Variants in SDK1 observed in about 807,000 individuals in gnomAD.
The protein encoded by SDK1 is sidekick cell adhesion molecule 1.
In SDK1, 157 loss-of-function variants were observed where a neutral mutation model predicts 245.5. The ratio of observed to expected loss-of-function variants is 0.64; its 90% CI spans 0.56 to 0.73. The LOEUF (loss-of-function observed/expected upper bound fraction) is 0.73. Ranked by LOEUF, SDK1 falls within the 30% of genes least tolerant of loss-of-function variation. The probability of loss-of-function intolerance (pLI) is 0.00; values close to 1 mark genes in which losing one functional copy is unlikely to be tolerated. For synonymous variants in SDK1, 1,647 were observed against 1,278.5 expected, an observed-to-expected ratio of 1.29 and a Z score of -6.15; for missense variants, 3,583 against 3,002.3, an observed-to-expected ratio of 1.19 and a Z score of -4.52.
At chr7:3,603,608 T>A (rs1781319362) in intron 1 of SDK1, among the ~76,000 whole-genome samples, 1 of 152,158 alleles carries the variant, frequency 6.6e-6, no homozygotes, top group Non-Finnish European at 1.5e-5. Flanking sequence ...TTTCTAGATA[T>A]ACAATCATGT....
intron 4 of SDK1, among the ~76,000 whole-genome samples, chr7:3,808,680 A>C (rs7789200): frequency 0.12 from 17,869 of 152,030 alleles, 1,751 homozygotes; most frequent in African/African-American, 0.27. Flanking sequence ...GCTGTTTGAT[A>C]CATCAGTTTC....
At chr7:3,472,440 A>T (rs1039429564) in intron 1 of SDK1, among the ~76,000 whole-genome samples, 3 of 152,304 alleles carry the variant, frequency 2.0e-5, no homozygotes, top group African/African-American at 7.2e-5. Flanking sequence ...AATTAGAGGG[A>T]CAAGGCTAAC....
At chr7:3,450,250 C>G (rs534814088) in intron 1 of SDK1, among the ~76,000 whole-genome samples, 6 of 152,166 alleles carry the variant, frequency 3.9e-5, no homozygotes, top group African/African-American at 1.4e-4. Context: ...AGACCTCTTA[C>G]CCCAAACTAA....
chr7:4,191,423 G>A (rs974378177), intron 35 of SDK1, among the ~76,000 whole-genome samples: 20 of 152,344 alleles, frequency 1.3e-4, no homozygotes, highest in Admixed American at 7.2e-4. Flanking sequence ...CGCGGTGCCC[G>A]CTGCTGCATT....
intron 5 of SDK1, among the ~76,000 whole-genome samples, chr7:3,839,208 C>A (rs2115085345): frequency 6.6e-6 from 1 of 152,306 alleles, no homozygotes; most frequent in Admixed American, 6.5e-5. Flanking sequence ...AGGCATTCCT[C>A]CCAGCAAACC....
chr7:3,486,268 C>G (rs1583932511), intron 1 of SDK1, among the ~76,000 whole-genome samples: 2 of 92,404 alleles, frequency 2.2e-5, no homozygotes, highest in South Asian at 1.0e-3. Flanking sequence ...AGGTTGTTTT[C>G]TTTTCCATTT....
At chr7:3,774,004 G>A (rs1417416544) in intron 4 of SDK1, among the ~76,000 whole-genome samples, 1 of 152,090 alleles carries the variant, frequency 6.6e-6, no homozygotes. Context: ...CACGAGGTCA[G>A]GAGATCGAGA....
intron 19 of SDK1, among the ~76,000 whole-genome samples, chr7:4,063,060 C>T (rs1352993131): frequency 6.6e-6 from 1 of 152,170 alleles, no homozygotes; most frequent in Admixed American, 6.6e-5. Flanking sequence ...CAAAGATGCC[C>T]ACTTTCATCA....
At chr7:3,366,279 T>C (rs946929601) in intron 1 of SDK1, among the ~76,000 whole-genome samples, 2 of 152,164 alleles carry the variant, frequency 1.3e-5, no homozygotes, top group African/African-American at 4.8e-5. Flanking sequence ...TTTTTTGTTG[T>C]AAAAGAAAGT....
intron 5 of SDK1, among the ~76,000 whole-genome samples, chr7:3,919,260 A>G (rs778373723): frequency 1.3e-5 from 2 of 152,186 alleles, no homozygotes; most frequent in African/African-American, 4.8e-5. Flanking sequence ...TGTGCAGTGC[A>G]CAATTAGTTC....
intron 1 of SDK1, among the ~76,000 whole-genome samples, chr7:3,323,566 A>G (rs1252945188): frequency 6.6e-6 from 1 of 152,200 alleles, no homozygotes; most frequent in African/African-American, 2.4e-5. Context: ...CTGGGGCCAC[A>G]CACTGCTTCT....
intron 40 of SDK1, among the ~76,000 whole-genome samples, chr7:4,230,064 G>GA (rs1785652620): frequency 7.0e-6 from 1 of 143,664 alleles, no homozygotes. Flanking sequence ...AGGAAGGAAG[G>GA]AAGGAAGGAA....
chr7:4,051,573 G>T (rs1467824027), intron 18 of SDK1, 65 bp from the exon 19 acceptor site: 18 of 1,356,124 alleles, frequency 1.3e-5, no homozygotes, highest in Non-Finnish European at 1.7e-5. Context: ...AAATTCTGCT[G>T]CAGACATGAG....
At chr7:3,462,928 T>A (rs1780878644) in intron 1 of SDK1, among the ~76,000 whole-genome samples, 1 of 152,188 alleles carries the variant, frequency 6.6e-6, no homozygotes, top group Non-Finnish European at 1.5e-5. Flanking sequence ...CTCATTGCTG[T>A]AAGGATAAAG....
chr7:3,654,387 C>T (rs1444264955), intron 4 of SDK1, among the ~76,000 whole-genome samples: 1 of 152,142 alleles, frequency 6.6e-6, no homozygotes, highest in Non-Finnish European at 1.5e-5. Flanking sequence ...TCCCTGTCAC[C>T]GCGCTTTATT....
At chr7:4,213,550 A>C (rs1043382210) in intron 38 of SDK1, among the ~76,000 whole-genome samples, 2 of 151,390 alleles carry the variant, frequency 1.3e-5, no homozygotes, top group Non-Finnish European at 2.9e-5. Flanking sequence ...GCACCACTGC[A>C]CTCCAGCCTG....
At chr7:3,602,159 G>T (rs1781274372) in intron 1 of SDK1, among the ~76,000 whole-genome samples, 1 of 151,894 alleles carries the variant, frequency 6.6e-6, no homozygotes, top group African/African-American at 2.4e-5. Context: ...TGTCTTTATA[G>T]CACAATGATT....
At chr7:3,356,169 T>C (rs1301482260) in intron 1 of SDK1, among the ~76,000 whole-genome samples, 2 of 152,324 alleles carry the variant, frequency 1.3e-5, no homozygotes, top group East Asian at 3.9e-4. Context: ...TCACAGTTAA[T>C]ATAAATATCT....
chr7:3,581,051 G>C (rs1023293704), intron 1 of SDK1, among the ~76,000 whole-genome samples: 14 of 149,468 alleles, frequency 9.4e-5, no homozygotes, highest in Non-Finnish European at 1.5e-4. Flanking sequence ...ATAAGAACTG[G>C]CGTTAATTGT....
Sources: gnomAD v4.1 joint callset for allele counts (sites outside exome capture counted in the v4.1 genomes callset) on GRCh38, gnomAD v4.1.1 for gene constraint, MANE v1.5 for transcripts, NCBI Gene and HGNC (gene_info 2026-07-23, HGNC 2026-07-21) for gene names.